RAD50: variants seen among roughly 807,000 people sequenced by gnomAD.
RAD50 encodes RAD50 double strand break repair protein.
A neutral mutation model predicts 168.8 loss-of-function variants in RAD50; 132 were observed. The observed-to-expected ratio is 0.78, with a 90% CI of 0.68 to 0.90. The LOEUF (loss-of-function observed/expected upper bound fraction) is 0.90. Among genes scored for constraint, RAD50 ranks in the 40% least tolerant of loss-of-function variants. The probability of loss-of-function intolerance (pLI) is 0.00; values close to 1 mark genes in which losing one functional copy is unlikely to be tolerated. For missense variants in RAD50, 1,347 were observed against 1,534.4 expected (o/e 0.88, Z 2.04); for synonymous variants, 525 against 497.4 (o/e 1.06, Z -0.74).
At chr5:132,565,493 G>A (rs1365449102) in intron 2 of RAD50, among the ~76,000 whole-genome samples, 1 of 152,010 alleles carries the variant, frequency 6.6e-6, no homozygotes, top group Non-Finnish European at 1.5e-5. Flanking sequence ...TCCCTCATGG[G>A]ATGCTTTTCC....
intron 5 of RAD50, among the ~76,000 whole-genome samples, chr5:132,587,002 A>G (rs933283331): frequency 2.0e-5 from 3 of 152,216 alleles, no homozygotes; most frequent in African/African-American, 4.8e-5. Context: ...GCCCCGAACC[A>G]GATCCCAGTA....
Position 132,638,143 on chromosome 5 carries a change from C to T in RAD50, c.3538C>T (p.Arg1180Trp), listed in dbSNP as rs1333645178. The T allele has an allele frequency of 1.2e-6, 2 of 1,614,036 alleles. No homozygotes were observed. The highest frequency in any genetic ancestry group is 1.1e-5 in the South Asian group (1 of 91,090). ...AAATGTATCAGCTTCTGATAAAAGG[C>T]GGAATTATAACTACCGAGTGGTGAT... ...DENVSASDKR[R>W]NYNYRVVMLK... Residue 1180 changes from arginine (R) to tryptophan (W), a missense_variant, in exon 23 of 25, where the codon CGG (arginine) becomes TGG (tryptophan). This residue lies in a region of RAD50 where 635 missense variants were observed against 739.2 expected (regional missense o/e 0.86). Coordinates refer to ENST00000378823, the MANE Select transcript of RAD50 (RefSeq NM_005732.4).
Position 132,589,670 on chromosome 5 carries a change from A to G in RAD50, c.1285A>G (p.Ile429Val), listed in dbSNP as rs1300031491. Residue 429 changes from isoleucine to valine, a missense_variant, in exon 9 of 25, where the codon ATA becomes GTA. By Grantham distance (29) the Ile-to-Val change is conservative. Coordinates refer to ENST00000378823, the MANE Select transcript of RAD50 (RefSeq NM_005732.4). Reference protein sequence around the residue: ...AEKETLKQKQIDEIRDKKTGL... With the variant: ...AEKETLKQKQVDEIRDKKTGL... ...AAAAGAGACTCTGAAACAAAAACAGATAGATGAGATAAGAGATAAGAAAAC... is the reference window on the plus strand; with the variant it reads ...AAAAGAGACTCTGAAACAAAAACAGGTAGATGAGATAAGAGATAAGAAAAC... The G allele has an allele frequency of 6.2e-7, 1 of 1,607,780 alleles. No homozygotes were observed. The highest frequency in any genetic ancestry group is 8.5e-7 in the Non-Finnish European group (1 of 1,177,146).
At position 132,589,745 on chromosome 5, in the gene RAD50, C is replaced by T. The variant is rs758641567; in HGVS notation, c.1360C>T (p.Gln454Ter). ...AAAATCAGAAATCCTAAGTAAGAAGCAGAATGAGCTGAAAAATGTGAAGTA... is the reference window on the plus strand; with the variant it reads ...AAAATCAGAAATCCTAAGTAAGAAGTAGAATGAGCTGAAAAATGTGAAGTA... ...ELKSEILSKK[Q>*]NELKNVKYEL... The change falls in exon 9 of 25, where the codon CAG becomes TAG. Residue 454 changes from glutamine to a stop codon, truncating the protein, a stop_gained. Coordinates refer to ENST00000378823, the MANE Select transcript of RAD50 (RefSeq NM_005732.4). LOFTEE classifies it high-confidence loss of function. The T allele has an allele frequency of 6.2e-7, 1 of 1,613,470 alleles. No homozygotes were observed. Among genetic ancestry groups the T allele is most frequent in the Admixed American group, 1.7e-5 (1 of 60,012 alleles).
chr5:132,619,834 CTCTATA>C (rs1561651625), intron 21 of RAD50, among the ~76,000 whole-genome samples: 16 of 117,118 alleles, frequency 1.4e-4, no homozygotes, highest in African/African-American at 6.3e-4. Flanking sequence ...CTCTCTCTCT[CTCTATA>C]TATATATATA....
chr5:132,568,015 A>C (rs1474203123), intron 2 of RAD50, among the ~76,000 whole-genome samples: 1 of 152,192 alleles, frequency 6.6e-6, no homozygotes, highest in East Asian at 1.9e-4. Context: ...GAGTAGAAGC[A>C]GATCCAGAGA....
At chr5:132,565,996 G>A (rs904475809) in intron 2 of RAD50, among the ~76,000 whole-genome samples, 3 of 152,110 alleles carry the variant, frequency 2.0e-5, no homozygotes, top group Admixed American at 6.5e-5. Context: ...GCATGAACAC[G>A]CACCTTCTTC....
intron 11 of RAD50, chr5:132,593,308 A>G (rs988337426): frequency 1.9e-5 from 3 of 155,894 alleles, no homozygotes; most frequent in African/African-American, 7.2e-5. Flanking sequence ...ACTAGATCCT[A>G]TTCAGACATG....
At position 132,638,190 on chromosome 5, in the gene RAD50, G is replaced by A. The variant is rs786201774; in HGVS notation, c.3585G>A (p.Leu1195=). Residue 1195 remains leucine, a synonymous_variant, in exon 23 of 25, where the codon TTG becomes TTA. Transcript: ENST00000378823. ...RVVMLKGDTA[L]DMRGRCSAGQ... is the part of the protein sequence containing the mutation. Reference sequence around the variant, plus strand: ...TGATGCTGAAGGGAGACACAGCCTTGGATATGCGAGGACGATGCAGTGCTG... The same window carrying A: ...TGATGCTGAAGGGAGACACAGCCTTAGATATGCGAGGACGATGCAGTGCTG... 3 of 1,614,190 alleles carry A rather than the reference G, an allele frequency of 1.9e-6. No individual in the cohort carries two copies. Among genetic ancestry groups the A allele is most frequent in the Non-Finnish European group, 1.7e-6 (2 of 1,180,032 alleles).
intron 21 of RAD50, among the ~76,000 whole-genome samples, chr5:132,621,871 C>A (rs1018385686): frequency 6.6e-6 from 1 of 152,044 alleles, no homozygotes; most frequent in Admixed American, 6.6e-5. Flanking sequence ...GCTTTTTGAT[C>A]TGAGGATTGA....
chr5:132,642,730 A>G lies in RAD50; in HGVS notation c.*366A>G, dbSNP rs1428860706. On this transcript the variant is annotated 3_prime_UTR_variant, in exon 25 of 25. Coordinates refer to ENST00000378823, the MANE Select transcript of RAD50 (RefSeq NM_005732.4). ...TGCCTTGAAAATTTATGGTTTTGGT[A>G]TTTTTTTAAATCATAGTTAAATGTT... 1 of 382,380 alleles carries G rather than the reference A, an allele frequency of 2.6e-6. No individual in the cohort carries two copies. Among genetic ancestry groups the G allele is most frequent in the Non-Finnish European group, 4.9e-6 (1 of 202,052 alleles). 23.7% of individuals were successfully genotyped at this position (382,380 alleles called of 1,614,324 possible). A position where few individuals can be genotyped will look rare whatever the true frequency, so the allele number is the denominator to read the frequency against.
chr5:132,638,316 C>T (rs760669899), intron 23 of RAD50, 93 bp downstream of exon 23: 64 of 1,446,852 alleles, frequency 4.4e-5, no homozygotes, highest in Non-Finnish European at 5.8e-5. Flanking sequence ...AAGGCTACAC[C>T]TGAATGGTGG....
At chr5:132,627,404 ATAAAT>A (rs1294095842) in intron 21 of RAD50, among the ~76,000 whole-genome samples, 5 of 152,230 alleles carry the variant, frequency 3.3e-5, no homozygotes, top group African/African-American at 4.8e-5. Flanking sequence ...AAATTAAGAA[ATAAAT>A]TAATAACAAA....
At chr5:132,576,628 C>T (rs186624065) in intron 3 of RAD50, among the ~76,000 whole-genome samples, 3 of 152,306 alleles carry the variant, frequency 2.0e-5, no homozygotes, top group Admixed American at 2.0e-4. Context: ...TTAACACACT[C>T]AAGTATCTCT....
At chr5:132,619,862 A>G in intron 21 of RAD50, among the ~76,000 whole-genome samples, 1 of 128,040 alleles carries the variant, frequency 7.8e-6, no homozygotes, top group South Asian at 2.4e-4. Flanking sequence ...AAAGATATAT[A>G]TATATAAAGA....
At chr5:132,598,129 T>C (rs912146910) in intron 13 of RAD50, among the ~76,000 whole-genome samples, 8 of 151,258 alleles carry the variant, frequency 5.3e-5, no homozygotes, top group African/African-American at 1.5e-4. Flanking sequence ...CTCACTGCAA[T>C]CTCCACCTCC....
Position 132,604,065 on chromosome 5 carries a change from T to C in RAD50, c.2524+19T>C, listed in dbSNP as rs1393588719. The C allele has an allele frequency of 1.2e-6, 2 of 1,612,392 alleles. No homozygotes were observed. Among genetic ancestry groups the C allele is most frequent in the Non-Finnish European group, 1.7e-6 (2 of 1,178,918 alleles). On this transcript the variant is annotated intron_variant, in intron 15 of 24. Coordinates refer to ENST00000378823, the MANE Select transcript of RAD50 (RefSeq NM_005732.4). ...GACACAGGTAATACAGTCTGTGTCC[T>C]TCTGTACTCATAGAGACTTTGACAT...
intron 21 of RAD50, among the ~76,000 whole-genome samples, chr5:132,626,336 T>C (rs1005653495): frequency 2.6e-5 from 4 of 152,230 alleles, no homozygotes; most frequent in African/African-American, 9.6e-5. Flanking sequence ...TGCAGAATCA[T>C]ATGGTAGTTC....
rs35800931 is a variant in RAD50 at position 132,616,119 on chromosome 5, G to A, written c.3153G>A (p.Leu1051=). 5.9e-4 allele frequency: 950 copies of A among 1,612,792 alleles called. 5 individuals carry two copies. In the African/African-American group the frequency reaches 0.011, roughly 19 times the overall value. The change falls in exon 20 of 25, where the codon TTG becomes TTA. Residue 1051 remains leucine, a synonymous_variant. Coordinates refer to ENST00000378823, the MANE Select transcript of RAD50 (RefSeq NM_005732.4). ...AGGAAATGGGTCAAATGCAGGTTTT[G>A]CAAATGAAAAGGTATGCTTTTAAAA... The part of the protein sequence containing the change: ...HLKEMGQMQV[L]QMKSEHQKLE...
Sources: gnomAD v4.1 joint callset for allele counts (sites outside exome capture counted in the v4.1 genomes callset) on GRCh38, gnomAD v4.1.1 for gene constraint, gnomAD v4.1.1 regional missense constraint, MANE v1.5 for transcripts, NCBI Gene and HGNC (gene_info 2026-07-23, HGNC 2026-07-21) for gene names.